Variants in ROBO2 observed in about 807,000 individuals in gnomAD.
ROBO2 encodes roundabout homolog 2.
In ROBO2, 53 loss-of-function variants were observed where a neutral mutation model predicts 160.8. That is an observed-to-expected ratio of 0.33 (90% CI 0.26 to 0.41). ROBO2 has a LOEUF of 0.41. ROBO2 is among the 10% of genes least tolerant of loss of function. The pLI is 1.00. For synonymous variants in ROBO2, 664 were observed against 611.7 expected (o/e 1.09, Z -1.26); for missense variants, 1,577 against 1,722.4 (o/e 0.92, Z 1.49).
intron 2 of ROBO2, among the ~76,000 whole-genome samples, chr3:76,958,324 G>GA (rs972470740): frequency 1.3e-5 from 2 of 152,072 alleles, no homozygotes; most frequent in African/African-American, 4.8e-5. Context: ...TTCCAGAGGG[G>GA]AAAAAATGAA....
At chr3:76,930,482 T>C (rs1180686335) in intron 2 of ROBO2, among the ~76,000 whole-genome samples, 1 of 152,182 alleles carries the variant, frequency 6.6e-6, no homozygotes, top group African/African-American at 2.4e-5. Flanking sequence ...TTTATCACTG[T>C]CTAATCCTAT....
intron 2 of ROBO2, among the ~76,000 whole-genome samples, chr3:76,963,389 A>G (rs1429730892): frequency 1.3e-5 from 2 of 152,156 alleles, no homozygotes; most frequent in Non-Finnish European, 2.9e-5. Context: ...AAGCATGCAG[A>G]ACTACAATTG....
intron 2 of ROBO2, among the ~76,000 whole-genome samples, chr3:77,195,051 C>G (rs2082193872): frequency 6.6e-6 from 1 of 152,104 alleles, no homozygotes; most frequent in Non-Finnish European, 1.5e-5. Flanking sequence ...TTATAAATCT[C>G]AACCCATGAG....
intron 2 of ROBO2, among the ~76,000 whole-genome samples, chr3:76,339,783 T>G (rs1259385941): frequency 1.3e-5 from 2 of 152,166 alleles, no homozygotes; most frequent in Non-Finnish European, 2.9e-5. Context: ...GGGTGTATAT[T>G]GTTATTAATC....
chr3:77,350,821 C>T (rs2068248689), intron 2 of ROBO2, among the ~76,000 whole-genome samples: 1 of 152,136 alleles, frequency 6.6e-6, no homozygotes, highest in Non-Finnish European at 1.5e-5. Flanking sequence ...GAACTGGACA[C>T]AAGAGAGGCC....
intron 2 of ROBO2, among the ~76,000 whole-genome samples, chr3:76,053,332 A>G (rs1017005583): frequency 1.5e-4 from 23 of 152,188 alleles, no homozygotes; most frequent in African/African-American, 5.5e-4. Flanking sequence ...TCTAGAGTTA[A>G]ATTTAAATAA....
intron 2 of ROBO2, among the ~76,000 whole-genome samples, chr3:76,846,035 T>C (rs1391980633): frequency 1.3e-5 from 2 of 152,102 alleles, no homozygotes; most frequent in African/African-American, 2.4e-5. Flanking sequence ...TCAATAATAC[T>C]GTAGCTCTGT....
rs927409132 is a variant in ROBO2, at chr3:76,568,558, G to A, written c.110-529456G>A. Among the ~76,000 whole-genome samples, 15 of 150,686 alleles carry A rather than the reference G, an allele frequency of 1.0e-4. No homozygotes were observed. In the East Asian group the frequency reaches 2.4e-3, roughly 24 times the overall value. On this transcript the variant is annotated intron_variant, in intron 2 of 26. Transcript: ENST00000487694. ...CCTGACCTCGTGATCCACCCGCCTC[G>A]GCCTCCCAAAGTGCTGGGATTACAG... is the stretch of plus-strand genomic sequence containing the variant.
At chr3:76,906,236 C>T (rs1445600083) in intron 2 of ROBO2, among the ~76,000 whole-genome samples, 1 of 151,608 alleles carries the variant, frequency 6.6e-6, no homozygotes, top group African/African-American at 2.4e-5. Flanking sequence ...TATATTTGCA[C>T]AAAATTATAT....
chr3:76,303,960 C>T (rs2071196982), intron 2 of ROBO2, among the ~76,000 whole-genome samples: 1 of 152,122 alleles, frequency 6.6e-6, no homozygotes, highest in African/African-American at 2.4e-5. Flanking sequence ...GTAGAAATCA[C>T]TGGCAAAGGA....
intron 2 of ROBO2, among the ~76,000 whole-genome samples, chr3:75,989,380 T>G (rs1449808315): frequency 6.6e-6 from 1 of 152,126 alleles, no homozygotes; most frequent in Non-Finnish European, 1.5e-5. Context: ...CCTCCCAAAG[T>G]GCTGGGATTA....
chr3:76,725,085 G>T (rs551645735), intron 2 of ROBO2, among the ~76,000 whole-genome samples: 3 of 152,104 alleles, frequency 2.0e-5, no homozygotes, highest in African/African-American at 2.4e-5. Flanking sequence ...TCTGCCCTCC[G>T]TAACTGTGAG....
chr3:76,136,962 C>A (rs900563937), intron 2 of ROBO2, among the ~76,000 whole-genome samples: 4 of 151,864 alleles, frequency 2.6e-5, no homozygotes, highest in Non-Finnish European at 5.9e-5. Context: ...AGTGGATTAT[C>A]ATAGGAAAGA....
chr3:77,614,435 T>C (rs1469915859), intron 21 of ROBO2, among the ~76,000 whole-genome samples: 3 of 152,212 alleles, frequency 2.0e-5, no homozygotes, highest in African/African-American at 7.2e-5. Context: ...TTTTCTAGTA[T>C]AAAAATTGCT....
chr3:76,210,428 A>C (rs879885019), intron 2 of ROBO2, among the ~76,000 whole-genome samples: 10 of 152,070 alleles, frequency 6.6e-5, no homozygotes, highest in Non-Finnish European at 1.5e-4. Context: ...TTTGTCTACT[A>C]GGCACAAATC....
chr3:76,556,019 GA>G (rs1273629746), intron 2 of ROBO2, among the ~76,000 whole-genome samples: 1 of 152,014 alleles, frequency 6.6e-6, no homozygotes, highest in Non-Finnish European at 1.5e-5. Context: ...TGATCACTTT[GA>G]ACTCAGGAGG....
At chr3:76,947,931 C>A (rs1268728840) in intron 2 of ROBO2, among the ~76,000 whole-genome samples, 1 of 152,152 alleles carries the variant, frequency 6.6e-6, no homozygotes, top group Non-Finnish European at 1.5e-5. Flanking sequence ...TATTTTCCCA[C>A]GTTTTTCCAT....
At position 77,252,851 on chromosome 3, in the gene ROBO2, T is replaced by TA. The variant is rs1342305680; in HGVS notation, c.388+154511_388+154512insA. Reference sequence around the variant, plus strand: ...AAAAAAATATATATATATATATATATGAAAAATAAACAGACGGTTTTAATA... The same window carrying TA: ...AAAAAAATATATATATATATATATATAGAAAAATAAACAGACGGTTTTAATA... On this transcript the variant is annotated intron_variant, in intron 2 of 25. Transcript: ENST00000461745. Among the ~76,000 whole-genome samples the TA allele has an allele frequency of 2.7e-5, 3 of 111,038 alleles. No homozygotes were observed. In the East Asian group the frequency reaches 6.6e-4, roughly 24 times the overall value. 72.8% of individuals were successfully genotyped at this position (111,038 alleles called of 152,430 possible).
intron 2 of ROBO2, among the ~76,000 whole-genome samples, chr3:76,442,087 G>C (rs2076949040): frequency 6.6e-6 from 1 of 152,132 alleles, no homozygotes; most frequent in South Asian, 2.1e-4. Flanking sequence ...TTTCTCACAG[G>C]GCAGAAGAAA....
Sources: allele counts gnomAD v4.1 joint callset (sites outside exome capture counted in the v4.1 genomes callset), GRCh38; gene constraint gnomAD v4.1.1; transcripts MANE v1.5; gene names NCBI Gene and HGNC (gene_info 2026-07-23, HGNC 2026-07-21).